PGM5: variants seen among roughly 807,000 people sequenced by gnomAD.
PGM5 encodes phosphoglucomutase 5, also known as phosphoglucomutase-like protein 5.
In PGM5, 23 loss-of-function variants were observed where a neutral mutation model predicts 59.2. The observed-to-expected ratio is 0.39, with a 90% CI of 0.28 to 0.55. The LOEUF (loss-of-function observed/expected upper bound fraction) is 0.55. Ranked by LOEUF, PGM5 falls within the 20% of genes least tolerant of loss-of-function variation. PGM5 has a pLI of 0.66. For missense variants in PGM5, 574 were observed against 748.3 expected (o/e 0.77, Z 2.72); for synonymous variants, 214 against 286.0 (o/e 0.75, Z 2.54).
chr9:68,372,042 T>A (rs1359353528), intron 1 of PGM5, among the ~76,000 whole-genome samples: 1 of 152,252 alleles, frequency 6.6e-6, no homozygotes, highest in African/African-American at 2.4e-5. Flanking sequence ...TAAATTTTAA[T>A]TGCTTTTAGC....
intron 8 of PGM5, among the ~76,000 whole-genome samples, chr9:68,482,615 CA>C (rs1824216304): frequency 6.6e-6 from 1 of 152,200 alleles, no homozygotes; most frequent in Non-Finnish European, 1.5e-5. Context: ...TCTGAGAACT[CA>C]CATCCTTTCT....
At chr9:68,484,086 A>C (rs1554687376) in intron 9 of PGM5, 38 bp downstream of exon 9, 7 of 1,585,762 alleles carry the variant, frequency 4.4e-6, no homozygotes, top group Non-Finnish European at 6.0e-6. Flanking sequence ...GTTATCAGGC[A>C]GAACCAGTGG....
At chr9:68,473,572 C>A (rs1165804685) in intron 7 of PGM5, among the ~76,000 whole-genome samples, 1 of 152,168 alleles carries the variant, frequency 6.6e-6, no homozygotes, top group African/African-American at 2.4e-5. Flanking sequence ...ATAATAGATG[C>A]ATAAAATCCC....
chr9:68,375,428 T>A (rs1554677518), intron 1 of PGM5, among the ~76,000 whole-genome samples: 1 of 152,216 alleles, frequency 6.6e-6, no homozygotes, highest in African/African-American at 2.4e-5. Context: ...AAATGACTAA[T>A]TTTCATTTCT....
At chr9:68,476,179 C>T (rs551081957) in intron 7 of PGM5, among the ~76,000 whole-genome samples, 7 of 152,276 alleles carry the variant, frequency 4.6e-5, no homozygotes, top group Non-Finnish European at 8.8e-5. Context: ...ACTCTTCCCC[C>T]GTCAAACCTT....
intron 9 of PGM5, chr9:68,497,153 C>T (rs1554688220): frequency 6.6e-6 from 1 of 152,190 alleles, no homozygotes. Context: ...GCTTCACTTG[C>T]TCCATTTGGA....
intron 6 of PGM5, chr9:68,398,585 G>C (rs1268965729): frequency 2.0e-5 from 3 of 152,268 alleles, no homozygotes; most frequent in Non-Finnish European, 4.4e-5. Context: ...TGGCAGGGGG[G>C]AGAAATGCCC....
chr9:68,403,579 T>C (rs1212508005), intron 6 of PGM5, among the ~76,000 whole-genome samples: 14 of 152,202 alleles, frequency 9.2e-5, no homozygotes, highest in Non-Finnish European at 2.1e-4. Flanking sequence ...GCAGGCACTA[T>C]TATTGACATT....
At chr9:68,359,290 G>A (rs2482229) in intron 1 of PGM5, among the ~76,000 whole-genome samples, 41 of 151,932 alleles carry the variant, frequency 2.7e-4, no homozygotes, top group Non-Finnish European at 2.2e-4. Flanking sequence ...CTTAAAATAG[G>A]GTCAAATTAA....
At chr9:68,487,626 C>T (rs1001289292) in intron 9 of PGM5, among the ~76,000 whole-genome samples, 1 of 151,752 alleles carries the variant, frequency 6.6e-6, no homozygotes, top group African/African-American at 2.4e-5. Flanking sequence ...ATTGATGATC[C>T]CAAGGTAGTG....
Position 68,484,021 on chromosome 9 carries a change from T to C in PGM5, c.1452T>C (p.Pro484=), listed in dbSNP as rs141481382. The C allele has an allele frequency of 3.1e-6, 5 of 1,613,582 alleles. No homozygotes were observed. The African/African-American group carries it at 4.0e-5, about 13-fold the overall frequency. ...AKTDSFEYVD[P]VDGTVTKKQG... ...CGGATAGTTTTGAATACGTGGACCC[T>C]GTGGATGGCACTGTGACCAAGAAAC... is the stretch of plus-strand genomic sequence containing the variant. Residue 484 remains proline (P), a synonymous_variant, in exon 9 of 11, where the codon CCT becomes CCC. Coordinates refer to ENST00000396396, the MANE Select transcript of PGM5 (RefSeq NM_021965.4).
chr9:68,474,957 G>A (rs1824080559), intron 7 of PGM5, among the ~76,000 whole-genome samples: 1 of 147,954 alleles, frequency 6.8e-6, no homozygotes, highest in African/African-American at 2.5e-5. Context: ...CTCTAGAAAA[G>A]GCATGTTTTA....
At chr9:68,523,305 T>C (rs1824925252) in intron 10 of PGM5, among the ~76,000 whole-genome samples, 1 of 152,156 alleles carries the variant, frequency 6.6e-6, no homozygotes, top group African/African-American at 2.4e-5. Context: ...GTGTGGCTCC[T>C]GGACCAACAG....
intron 10 of PGM5, among the ~76,000 whole-genome samples, chr9:68,520,184 G>C (rs747363405): frequency 2.7e-5 from 4 of 150,602 alleles, no homozygotes; most frequent in Admixed American, 1.3e-4. Flanking sequence ...GACGGAAAAA[G>C]ATATACAAAT....
At chr9:68,455,426 G>A (rs898970491) in intron 6 of PGM5, among the ~76,000 whole-genome samples, 1 of 151,588 alleles carries the variant, frequency 6.6e-6, no homozygotes, top group Admixed American at 6.6e-5. Context: ...TCTTTTCTGT[G>A]ATATTGGTGG....
chr9:68,484,513 G>A (rs782714073), intron 9 of PGM5, among the ~76,000 whole-genome samples: 14 of 150,252 alleles, frequency 9.3e-5, no homozygotes, highest in Middle Eastern at 6.8e-3. Flanking sequence ...GCACTTCAGC[G>A]TGGGAGACAA....
At chr9:68,417,323 C>G (rs1452115336) in intron 6 of PGM5, among the ~76,000 whole-genome samples, 3 of 152,142 alleles carry the variant, frequency 2.0e-5, no homozygotes, top group Admixed American at 1.3e-4. Context: ...TCAGGCTGAT[C>G]CTGCTGAGAA....
intron 10 of PGM5, among the ~76,000 whole-genome samples, chr9:68,507,291 G>A (rs1053971899): frequency 6.6e-6 from 1 of 152,146 alleles, no homozygotes; most frequent in Non-Finnish European, 1.5e-5. Context: ...AGGTCTTCAG[G>A]AATTTAAGGA....
chr9:68,529,006 C>T (rs927748536), intron 10 of PGM5, among the ~76,000 whole-genome samples: 1 of 152,126 alleles, frequency 6.6e-6, no homozygotes, highest in Non-Finnish European at 1.5e-5. Context: ...TCCAGAAAAC[C>T]CACTGAGGTG....
Sources: gnomAD v4.1 joint callset for allele counts (sites outside exome capture counted in the v4.1 genomes callset) on GRCh38, gnomAD v4.1.1 for gene constraint, MANE v1.5 for transcripts, NCBI Gene and HGNC (gene_info 2026-07-23, HGNC 2026-07-21) for gene names.